Variants in GPHN observed in about 807,000 individuals in gnomAD.
GPHN encodes gephyrin.
In GPHN, 17 loss-of-function variants were observed where a neutral mutation model predicts 95.5. The ratio of observed to expected loss-of-function variants is 0.18; its 90% CI spans 0.12 to 0.27. The LOEUF (loss-of-function observed/expected upper bound fraction) is 0.27, where lower values mean the gene tolerates loss of function less well. Among genes scored for constraint, GPHN ranks in the 10% least tolerant of loss-of-function variants. The probability of loss-of-function intolerance (pLI) is 1.00; values close to 1 mark genes in which losing one functional copy is unlikely to be tolerated. For synonymous variants in GPHN, 320 were observed against 322.5 expected (o/e 0.99, Z 0.08); for missense variants, 660 against 978.1 (o/e 0.67, Z 4.34).
At chr14:67,166,978 T>G (rs1407861219) in intron 20 of GPHN, among the ~76,000 whole-genome samples, 1 of 152,184 alleles carries the variant, frequency 6.6e-6, no homozygotes, top group Non-Finnish European at 1.5e-5. Context: ...TTTACAAGGA[T>G]TTTCAATTTC....
At chr14:67,004,499 A>G (rs1303082928) in intron 9 of GPHN, among the ~76,000 whole-genome samples, 1 of 151,832 alleles carries the variant, frequency 6.6e-6, no homozygotes, top group Non-Finnish European at 1.5e-5. Context: ...TTAAAAAATC[A>G]TAATGTATGA....
rs112206653 is a variant in GPHN at position 66,839,676 on chromosome 14, C to G, written c.294+15110C>G. On this transcript the variant is annotated intron_variant, in intron 4 of 22. Transcript: ENST00000478722. ...CAAGATTACATTGTATAGGCAAACCCATTATAATGAGGTCACTTTAATACC... is the reference window on the plus strand; with the variant it reads ...CAAGATTACATTGTATAGGCAAACCGATTATAATGAGGTCACTTTAATACC... Among the ~76,000 whole-genome samples, 13 of 152,196 alleles carry G rather than the reference C, an allele frequency of 8.5e-5. 2 individuals carry two copies. Among genetic ancestry groups the G allele is most frequent in the African/African-American group, 2.9e-4 (12 of 41,532 alleles).
intron 1 of GPHN, among the ~76,000 whole-genome samples, chr14:66,575,401 A>G (rs2060862828): frequency 6.6e-6 from 1 of 152,236 alleles, no homozygotes; most frequent in Admixed American, 6.5e-5. Flanking sequence ...TTTAATTTTA[A>G]TGTATCCCAA....
At chr14:67,412,945 G>A in the GPHN span, among the ~76,000 whole-genome samples, 4 of 152,000 alleles carry the variant, frequency 2.6e-5, no homozygotes, top group Non-Finnish European at 4.4e-5. Context: ...TTTATTTTTC[G>A]TAGAGATAGG....
the GPHN span, among the ~76,000 whole-genome samples, chr14:67,607,114 A>G: frequency 6.6e-6 from 1 of 152,132 alleles, no homozygotes; most frequent in Non-Finnish European, 1.5e-5. Context: ...AGACATTAAA[A>G]TTTGAGAAGT....
chr14:67,575,717 G>A, the GPHN span: 6 of 850,288 alleles, frequency 7.1e-6, no homozygotes, highest in East Asian at 5.3e-5. Flanking sequence ...TCCTGTCATC[G>A]GTCCATATCC....
In GPHN at chr14:67,181,052, C is replaced by G. The variant is rs1006699214; in HGVS notation, c.*115C>G. 7.7e-6 allele frequency: 7 copies of G among 906,318 alleles called. No homozygotes were observed. In the Admixed American group the frequency reaches 1.2e-4, roughly 15 times the overall value. 56.1% of individuals were successfully genotyped at this position (906,318 alleles called of 1,614,324 possible). A position where few individuals can be genotyped will look rare whatever the true frequency, so the allele number is the denominator to read the frequency against. On this transcript the variant is annotated 3_prime_UTR_variant, in exon 23 of 23. Transcript: ENST00000478722. The stretch of plus-strand genomic sequence containing the variant: ...TTGGATAAAAGTTGATCTGTATAGT[C>G]AACATCTTGAACTATATTTCAAATG...
the GPHN span, among the ~76,000 whole-genome samples, chr14:67,474,742 A>G: frequency 1.3e-5 from 2 of 152,138 alleles, no homozygotes; most frequent in Non-Finnish European, 2.9e-5. Flanking sequence ...GCCCCTGGCA[A>G]CCACTATTCT....
chr14:67,470,505 C>T, the GPHN span: 299 of 152,662 alleles, frequency 2.0e-3, 11 homozygotes, highest in East Asian at 0.055. Context: ...TGCCATGGCT[C>T]CCCTAAGGGC....
At chr14:67,391,035 A>G in the GPHN span, among the ~76,000 whole-genome samples, 1 of 152,124 alleles carries the variant, frequency 6.6e-6, no homozygotes, top group Non-Finnish European at 1.5e-5. Context: ...TCAGGGCATA[A>G]AGGAGGACAG....
chr14:67,389,659 T>C, the GPHN span, among the ~76,000 whole-genome samples: 1 of 152,116 alleles, frequency 6.6e-6, no homozygotes, highest in Non-Finnish European at 1.5e-5. Flanking sequence ...TGTGTGTATA[T>C]ATTTTCTCAG....
intron 4 of GPHN, among the ~76,000 whole-genome samples, chr14:66,840,775 G>A (rs1596101468): frequency 6.7e-6 from 1 of 150,090 alleles, no homozygotes; most frequent in Admixed American, 6.7e-5. Flanking sequence ...GCAGGATTTG[G>A]CCCTTGGGCT....
At chr14:66,526,524 G>A (rs2058699110) in intron 1 of GPHN, among the ~76,000 whole-genome samples, 1 of 152,140 alleles carries the variant, frequency 6.6e-6, no homozygotes, top group African/African-American at 2.4e-5. Context: ...ATGTTGAATA[G>A]GAGTGTGAGA....
chr14:66,990,084 T>C (rs2153603165), intron 9 of GPHN, among the ~76,000 whole-genome samples: 1 of 152,208 alleles, frequency 6.6e-6, no homozygotes, highest in Non-Finnish European at 1.5e-5. Flanking sequence ...CTTACAATCA[T>C]GGCGGAAGGT....
rs533311441 is a variant in GPHN, at chr14:67,091,919, C to A, written c.1237+2844C>A. On this transcript the variant is annotated intron_variant, in intron 12 of 22. Transcript: ENST00000478722. ...GTCCAAGAGATTATCTACCGTGAAG[C>A]TGATTCACATTGTTTCTTTCTTGCA... Among the ~76,000 whole-genome samples the A allele has an allele frequency of 2.4e-3, 363 of 151,834 alleles. 4 individuals are homozygous for A. Among genetic ancestry groups the A allele is most frequent in the African/African-American group, 8.3e-3 (342 of 41,434 alleles).
chr14:66,658,781 T>G (rs2065456798), intron 1 of GPHN, among the ~76,000 whole-genome samples: 1 of 151,970 alleles, frequency 6.6e-6, no homozygotes, highest in Admixed American at 6.5e-5. Flanking sequence ...TGTCATAATA[T>G]TCATTGTATT....
chr14:67,330,172 C>G, the GPHN span, among the ~76,000 whole-genome samples: 3 of 148,132 alleles, frequency 2.0e-5, no homozygotes, highest in Non-Finnish European at 4.5e-5. Flanking sequence ...TTATTATTAT[C>G]AAAAGGAATA....
chr14:66,776,684 C>T (rs1044440609), intron 3 of GPHN, among the ~76,000 whole-genome samples, 163 bp downstream of exon 3: 13 of 151,936 alleles, frequency 8.6e-5, no homozygotes, highest in African/African-American at 3.1e-4. Context: ...AGATAATCAC[C>T]ATCAGATTTA....
chr14:67,682,507 T>C, the GPHN span, among the ~76,000 whole-genome samples: 2 of 152,082 alleles, frequency 1.3e-5, no homozygotes, highest in South Asian at 4.2e-4. Context: ...TGAAAGAATG[T>C]TCAACATCAT....
Sources: allele counts gnomAD v4.1 joint callset (sites outside exome capture counted in the v4.1 genomes callset), GRCh38; gene constraint gnomAD v4.1.1; transcripts MANE v1.5; gene names NCBI Gene and HGNC (gene_info 2026-07-23, HGNC 2026-07-21).